DYNC1I2: variants seen among roughly 807,000 people sequenced by gnomAD.
DYNC1I2 encodes the protein dynein cytoplasmic 1 intermediate chain 2.
DYNC1I2 carries 53 observed loss-of-function variants against 88.6 expected under a neutral mutation model. The ratio of observed to expected loss-of-function variants is 0.60; its 90% confidence interval spans 0.48 to 0.75. The LOEUF is 0.75. Among genes scored for constraint, DYNC1I2 ranks in the 30% least tolerant of loss-of-function variants. The pLI, the probability that DYNC1I2 is intolerant of heterozygous loss-of-function variation, is 0.00. For missense variants in DYNC1I2, 458 were observed against 766.6 expected, an observed-to-expected ratio of 0.60 and a Z score of 4.75; for synonymous variants, 198 against 254.6, an observed-to-expected ratio of 0.78 and a Z score of 2.12.
intron 15 of DYNC1I2, among the ~76,000 whole-genome samples, chr2:171,740,173 A>C (rs753775503): frequency 1.3e-5 from 2 of 151,998 alleles, no homozygotes; most frequent in Non-Finnish European, 2.9e-5. Context: ...CATTCATATT[A>C]ATGTGTGTGG....
chr2:171,698,829 A>G (rs1333861496), intron 3 of DYNC1I2, among the ~76,000 whole-genome samples: 3 of 152,052 alleles, frequency 2.0e-5, no homozygotes, highest in East Asian at 3.9e-4. Context: ...AGATGGCGCC[A>G]CTGCACTCCA....
chr2:171,730,069 A>G (rs1688506471), intron 15 of DYNC1I2, among the ~76,000 whole-genome samples: 1 of 152,200 alleles, frequency 6.6e-6, no homozygotes. Context: ...AGAATCAAGG[A>G]CCAGTCTTCC....
At chr2:171,721,602 G>A (rs937305615) in intron 7 of DYNC1I2, among the ~76,000 whole-genome samples, 2 of 152,112 alleles carry the variant, frequency 1.3e-5, no homozygotes, top group Non-Finnish European at 2.9e-5. Flanking sequence ...TTTCATAGCT[G>A]TTTGTGAAGT....
At chr2:171,728,082 C>T (rs1032658590) in intron 12 of DYNC1I2, 115 bp downstream of exon 12, 9 of 1,269,492 alleles carry the variant, frequency 7.1e-6, no homozygotes, top group Non-Finnish European at 9.5e-6. Flanking sequence ...TGTATGAATT[C>T]CTCACCATTT....
At chr2:171,733,973 A>G (rs949927721) in intron 15 of DYNC1I2, among the ~76,000 whole-genome samples, 1 of 152,050 alleles carries the variant, frequency 6.6e-6, no homozygotes, top group Non-Finnish European at 1.5e-5. Context: ...TAATTTTTGT[A>G]TAAGATGTAA....
At chr2:171,711,883 A>C (rs1057055333) in intron 5 of DYNC1I2, among the ~76,000 whole-genome samples, 4 of 152,200 alleles carry the variant, frequency 2.6e-5, no homozygotes, top group African/African-American at 9.6e-5. Flanking sequence ...AACTTTATTT[A>C]GTGGGGACTA....
At chr2:171,716,960 G>A (rs1184572386) in intron 7 of DYNC1I2, among the ~76,000 whole-genome samples, 1 of 151,578 alleles carries the variant, frequency 6.6e-6, no homozygotes, top group South Asian at 2.1e-4. Context: ...TGACTTAATA[G>A]TAGATCATCA....
rs557909567 is a variant in DYNC1I2, at chr2:171,728,989, T to A, written c.1391+139T>A. Reference sequence around the variant, plus strand: ...ATTTTTTGTGTTCAGGCACATAAAATTAAAACTTAATACCTTTTTGTATAA... The same window carrying A: ...ATTTTTTGTGTTCAGGCACATAAAAATAAAACTTAATACCTTTTTGTATAA... On this transcript the variant is annotated intron_variant, in intron 14 of 17. Coordinates refer to ENST00000397119, the MANE Select transcript of DYNC1I2 (RefSeq NM_001378.3). The A allele has an allele frequency of 1.3e-5, 12 of 901,870 alleles. No individual in the cohort carries two copies. In the East Asian group the frequency reaches 3.5e-4, roughly 26 times the overall value. The allele number at this position is 901,870 out of a possible 1,614,324, so 55.9% of individuals were successfully genotyped here. A position where few individuals can be genotyped will look rare whatever the true frequency, so the allele number is the denominator to read the frequency against.
intron 5 of DYNC1I2, among the ~76,000 whole-genome samples, chr2:171,710,973 C>G (rs1687081445): frequency 6.6e-6 from 1 of 151,304 alleles, no homozygotes; most frequent in Admixed American, 6.6e-5. Flanking sequence ...CACTCATTAA[C>G]TCATCATTTA....
chr2:171,689,169 A>G (rs1685195969), intron 1 of DYNC1I2, among the ~76,000 whole-genome samples: 1 of 152,190 alleles, frequency 6.6e-6, no homozygotes, highest in Non-Finnish European at 1.5e-5. Flanking sequence ...GGATGTTGTG[A>G]AGGCAACAAA....
chr2:171,729,480 G>A (rs924336578), intron 14 of DYNC1I2, among the ~76,000 whole-genome samples: 2 of 152,106 alleles, frequency 1.3e-5, no homozygotes, highest in African/African-American at 4.8e-5. Flanking sequence ...TTTGAGGTCT[G>A]TTGTCAACAG....
intron 6 of DYNC1I2, among the ~76,000 whole-genome samples, chr2:171,714,575 A>G (rs1353945680): frequency 1.3e-5 from 2 of 152,052 alleles, no homozygotes; most frequent in South Asian, 2.1e-4. Context: ...AATAAAATAT[A>G]TTTTTCTTTT....
At chr2:171,714,598 TCA>T (rs1387354058) in intron 6 of DYNC1I2, among the ~76,000 whole-genome samples, 1 of 152,184 alleles carries the variant, frequency 6.6e-6, no homozygotes, top group Non-Finnish European at 1.5e-5. Context: ...TTCATTTTCC[TCA>T]GCCACAGCTC....
intron 13 of DYNC1I2, 63 bp from the exon 14 acceptor site, chr2:171,728,654 T>G (rs1449693245): frequency 1.4e-6 from 2 of 1,387,842 alleles, no homozygotes; most frequent in Admixed American, 3.1e-5. Context: ...AGACTAGAAG[T>G]TTTTCTACAG....
intron 10 of DYNC1I2, 81 bp from the exon 11 acceptor site, chr2:171,726,710 C>T (rs1688279538): frequency 6.6e-7 from 1 of 1,516,342 alleles, no homozygotes; most frequent in African/African-American, 1.4e-5. Flanking sequence ...GAATAATAAT[C>T]TGATAAAGAC....
At position 171,705,157 on chromosome 2, in the gene DYNC1I2, A is replaced by G. The variant is rs113153616; in HGVS notation, c.227-1390A>G. ...TGGTAGCATCACCCTTTTATTTTTT[A>G]TTTCTGAAACTTTTATTTCAGAACT... On this transcript the variant is annotated intron_variant, in intron 3 of 17. Coordinates refer to ENST00000397119, the MANE Select transcript of DYNC1I2 (RefSeq NM_001378.3). Among the ~76,000 whole-genome samples the G allele has an allele frequency of 2.0e-5, 3 of 152,172 alleles. No individual in the cohort carries two copies. The East Asian group carries it at 5.8e-4, about 29-fold the overall frequency.
At position 171,748,095 on chromosome 2, in the gene DYNC1I2, G is replaced by T; in HGVS notation, c.*206G>T. 2.2e-6 allele frequency: 1 copy of T among 463,858 alleles called. No homozygotes were observed. Among genetic ancestry groups the T allele is most frequent in the Non-Finnish European group, 3.9e-6 (1 of 259,186 alleles). 28.7% of individuals were successfully genotyped at this position (463,858 alleles called of 1,614,324 possible). ...ATTTGTGTCATTTTTTAATATAGCT[G>T]ATTGACTTCACAGAAAGCAGCTTTT... is the stretch of plus-strand genomic sequence containing the variant. On this transcript the variant is annotated 3_prime_UTR_variant, in exon 18 of 18. Coordinates refer to ENST00000397119, the MANE Select transcript of DYNC1I2 (RefSeq NM_001378.3).
chr2:171,701,932 C>CAGT, intron 3 of DYNC1I2, among the ~76,000 whole-genome samples: 1 of 152,110 alleles, frequency 6.6e-6, no homozygotes, highest in Non-Finnish European at 1.5e-5. Flanking sequence ...TTTTAGCTGT[C>CAGT]AGTAATTAAG....
At chr2:171,718,253 C>T (rs1687654648) in intron 7 of DYNC1I2, among the ~76,000 whole-genome samples, 1 of 151,818 alleles carries the variant, frequency 6.6e-6, no homozygotes, top group African/African-American at 2.4e-5. Context: ...CCACCACATC[C>T]AGCCAAGATT....
Sources: allele counts gnomAD v4.1 joint callset (sites outside exome capture counted in the v4.1 genomes callset), GRCh38; gene constraint gnomAD v4.1.1; transcripts MANE v1.5; gene names NCBI Gene and HGNC (gene_info 2026-07-23, HGNC 2026-07-21).